The following ABI3BP variants were observed in gnomAD, a reference collection of about 807,000 sequenced individuals.
The protein encoded by ABI3BP is target of Nesh-SH3.
A neutral mutation model predicts 268.6 loss-of-function variants in ABI3BP; 216 were observed. The observed-to-expected ratio is 0.80, with a 90% CI of 0.72 to 0.90. The LOEUF is 0.90. Among genes scored for constraint, ABI3BP ranks in the 40% least tolerant of loss-of-function variants. The probability of loss-of-function intolerance (pLI) is 0.00; values close to 1 mark genes in which losing one functional copy is unlikely to be tolerated. For missense variants in ABI3BP, 2,090 were observed against 2,182.4 expected (o/e 0.96, Z 0.84); for synonymous variants, 730 against 730.0 (o/e 1.00, Z 0.00).
intron 1 of ABI3BP, chr3:100,952,612 T>C (rs2075474478): frequency 6.6e-6 from 1 of 152,164 alleles, no homozygotes; most frequent in Non-Finnish European, 1.5e-5. Context: ...AGGTATTTTA[T>C]AATTTAAGAA....
At chr3:100,987,658 G>A (rs1283705392) in intron 1 of ABI3BP, among the ~76,000 whole-genome samples, 1 of 152,026 alleles carries the variant, frequency 6.6e-6, no homozygotes, top group African/African-American at 2.4e-5. Context: ...GATTATTAAG[G>A]ATTATTAACA....
At chr3:100,799,670 CTCTTA>C (rs2097462668) in intron 51 of ABI3BP, among the ~76,000 whole-genome samples, 1 of 152,106 alleles carries the variant, frequency 6.6e-6, no homozygotes, top group Non-Finnish European at 1.5e-5. Context: ...TCCTGATTCT[CTCTTA>C]TCTTTTTTGA....
At chr3:100,776,694 G>T (rs915754833) in intron 59 of ABI3BP, among the ~76,000 whole-genome samples, 1 of 152,204 alleles carries the variant, frequency 6.6e-6, no homozygotes, top group Non-Finnish European at 1.5e-5. Context: ...TTGAGTTAGA[G>T]GTGAATGGTG....
chr3:100,924,771 T>C (rs905091697), intron 2 of ABI3BP, among the ~76,000 whole-genome samples: 6 of 152,184 alleles, frequency 3.9e-5, no homozygotes, highest in Non-Finnish European at 7.4e-5. Context: ...TTTTTATCAG[T>C]AATAATTTGA....
chr3:100,982,992 C>T (rs1285528529), intron 1 of ABI3BP, among the ~76,000 whole-genome samples: 1 of 152,212 alleles, frequency 6.6e-6, no homozygotes, highest in African/African-American at 2.4e-5. Context: ...ATCCGCTGCT[C>T]TCAGAGAAGC....
chr3:100,808,981 C>T (rs545794530), intron 49 of ABI3BP, among the ~76,000 whole-genome samples: 68 of 152,128 alleles, frequency 4.5e-4, no homozygotes, highest in African/African-American at 1.5e-3. Context: ...ACATGGTCAA[C>T]GTCATGTAGT....
At chr3:100,945,343 C>T (rs2071601748) in intron 1 of ABI3BP, among the ~76,000 whole-genome samples, 1 of 152,044 alleles carries the variant, frequency 6.6e-6, no homozygotes, top group African/African-American at 2.4e-5. Flanking sequence ...ATTCATATAT[C>T]ATAAAATTCT....
In ABI3BP at chr3:100,847,643, G is replaced by A. The variant is rs2098786856; in HGVS notation, c.1607C>T (p.Pro536Leu). ...ERTTSAGTIT[P>L]KISKSPEPTW... ...AGGTTCAGGGCTTTTAGAAATTTTA[G>A]GTGTAATTGTTCCGGCACTTGTGGT... Residue 536 changes from proline (P) to leucine (L), a missense_variant, in exon 19 of 68, where the codon CCT becomes CTT. By Grantham distance (98) the Pro-to-Leu change is moderately conservative (BLOSUM62 -3). Transcript: ENST00000471714. 1 of 1,613,508 alleles carries A rather than the reference G, an allele frequency of 6.2e-7. No homozygotes were observed. Among genetic ancestry groups the A allele is most frequent in the Non-Finnish European group, 8.5e-7 (1 of 1,179,642 alleles).
chr3:100,898,696 G>A (rs1272515171), intron 4 of ABI3BP, 66 bp downstream of exon 4: 1 of 1,535,518 alleles, frequency 6.5e-7, no homozygotes, highest in Non-Finnish European at 8.9e-7. Flanking sequence ...AATGCTAACA[G>A]TCCTGATACT....
chr3:100,980,798 T>C (rs1236819031), intron 1 of ABI3BP, among the ~76,000 whole-genome samples: 1 of 152,152 alleles, frequency 6.6e-6, no homozygotes, highest in Non-Finnish European at 1.5e-5. Context: ...GAAACTCAGT[T>C]CCATGGAAAT....
chr3:100,972,456 C>T (rs2084054385), intron 1 of ABI3BP, among the ~76,000 whole-genome samples: 1 of 152,322 alleles, frequency 6.6e-6, no homozygotes, highest in South Asian at 2.1e-4. Flanking sequence ...CAAGCCCTTT[C>T]CCACTGTAAA....
intron 40 of ABI3BP, among the ~76,000 whole-genome samples, 195 bp from the exon 41 acceptor site, chr3:100,818,776 G>A (rs1409686393): frequency 6.6e-6 from 1 of 152,086 alleles, no homozygotes; most frequent in African/African-American, 2.4e-5. Flanking sequence ...TACACAATTT[G>A]GCACACATCT....
In ABI3BP at chr3:100,753,820, A is replaced by G. The variant is rs573637989; in HGVS notation, c.4959T>C (p.Ser1653=). 6.2e-7 allele frequency: 1 copy of G among 1,611,318 alleles called. No homozygotes were observed. The highest frequency in any genetic ancestry group is 1.3e-5 in the African/African-American group (1 of 75,022). ...SADPRVSEPV[S]AGRDAIWTER... ...TGCCTCATTGAGACAGGTACTTACCAGAAACTGGCTCACTCACTCTTGGGT... is the reference window on the plus strand; with the variant it reads ...TGCCTCATTGAGACAGGTACTTACCGGAAACTGGCTCACTCACTCTTGGGT... Residue 1653 remains serine, a splice_region_variant and synonymous_variant, in exon 65 of 68, where the codon TCT becomes TCC. Transcript: ENST00000471714.
chr3:100,770,871 T>C lies in ABI3BP; in HGVS notation c.4613A>G (p.Glu1538Gly). 5 of 1,604,382 alleles carry C rather than the reference T, an allele frequency of 3.1e-6. No individual in the cohort carries two copies. Among genetic ancestry groups the C allele is most frequent in the Non-Finnish European group, 4.3e-6 (5 of 1,175,364 alleles). Residue 1538 changes from glutamate (E) to glycine (G), a missense_variant, in exon 62 of 68, where the codon GAG (glutamate) becomes GGG (glycine). Transcript: ENST00000471714. ...TDSVKRFPKE[E>G]ATEGNATSPP... is the part of the protein sequence containing the mutation. ...GCTGGTGGCATTCCCCTCTGTGGCC[T>C]CCTCTTTGGGGAACCGTTTGACAGA...
intron 1 of ABI3BP, among the ~76,000 whole-genome samples, chr3:100,943,477 A>G (rs1184550566): frequency 6.6e-6 from 1 of 152,096 alleles, no homozygotes; most frequent in East Asian, 1.9e-4. Context: ...CAAATGCCAT[A>G]CATCTGTGTA....
At chr3:100,953,959 A>G (rs1400071760) in intron 1 of ABI3BP, among the ~76,000 whole-genome samples, 1 of 152,156 alleles carries the variant, frequency 6.6e-6, no homozygotes, top group African/African-American at 2.4e-5. Context: ...ATTAATTGTA[A>G]CTATTCTCCC....
rs1361481554 is a variant in ABI3BP at position 100,750,539 on chromosome 3, C to A, written c.5317G>T (p.Val1773Phe). 2 of 1,613,200 alleles carry A rather than the reference C, an allele frequency of 1.2e-6. No individual in the cohort carries two copies. The highest frequency in any genetic ancestry group is 1.7e-6 in the Non-Finnish European group (2 of 1,179,492). ...GTAGTCCCACATTCATACCACTGAA[C>A]ATAATTGATTTGGGTGTGACCACCT... Reference protein sequence around the residue: ...EIGGHTQINYVQWYECGTTIP... With the variant: ...EIGGHTQINYFQWYECGTTIP... The change falls in exon 68 of 68, where the codon GTT (valine) becomes TTT (phenylalanine). Residue 1773 changes from valine to phenylalanine, a missense_variant. Val to Phe is a conservative substitution (Grantham distance 50, BLOSUM62 -1). Coordinates refer to ENST00000471714, the MANE Select transcript of ABI3BP (RefSeq NM_001375547.2).
chr3:100,808,528 C>T (rs550738235), intron 49 of ABI3BP, among the ~76,000 whole-genome samples: 1 of 152,102 alleles, frequency 6.6e-6, no homozygotes, highest in East Asian at 1.9e-4. Context: ...TTCATAATTA[C>T]AAGAATTCAT....
chr3:100,811,503 G>A (rs956374504), intron 47 of ABI3BP, among the ~76,000 whole-genome samples: 5 of 151,884 alleles, frequency 3.3e-5, no homozygotes, highest in African/African-American at 1.2e-4. Flanking sequence ...ATGTTATTAC[G>A]CCTCAACCTT....
Sources: gnomAD v4.1 joint callset for allele counts (sites outside exome capture counted in the v4.1 genomes callset) on GRCh38, gnomAD v4.1.1 for gene constraint, MANE v1.5 for transcripts, NCBI Gene and HGNC (gene_info 2026-07-23, HGNC 2026-07-21) for gene names.